Variants in MACO1 observed in about 807,000 individuals in gnomAD.
MACO1 encodes the protein macoilin 1.
In MACO1, 14 loss-of-function variants were observed where a neutral mutation model predicts 78.7. That is an observed-to-expected ratio of 0.18 (90% CI 0.12 to 0.28). MACO1 has a LOEUF of 0.28. MACO1 is among the 10% of genes least tolerant of loss of function. The pLI is 1.00. For missense variants in MACO1, 501 were observed against 799.0 expected (o/e 0.63, Z 4.50); for synonymous variants, 288 against 291.6 (o/e 0.99, Z 0.12).
At chr1:25,469,848 G>A (rs930092917) in intron 6 of MACO1, among the ~76,000 whole-genome samples, 3 of 151,876 alleles carry the variant, frequency 2.0e-5, no homozygotes, top group African/African-American at 7.3e-5. Context: ...GGCTGGTCTC[G>A]AACTCCTGAC....
chr1:25,479,931 A>G (rs1360446817), intron 6 of MACO1, among the ~76,000 whole-genome samples: 1 of 152,234 alleles, frequency 6.6e-6, no homozygotes, highest in African/African-American at 2.4e-5. Context: ...ATTTACATGT[A>G]CGAAGAAATA....
At chr1:25,459,382 A>C (rs1448171894) in intron 6 of MACO1, among the ~76,000 whole-genome samples, 1 of 152,182 alleles carries the variant, frequency 6.6e-6, no homozygotes, top group Non-Finnish European at 1.5e-5. Context: ...TAACTCTGGG[A>C]AAGTTAGATT....
Position 25,458,557 on chromosome 1 carries a change from C to T in MACO1, c.819C>T (p.Asn273=), listed in dbSNP as rs767194561. 77 of 1,613,618 alleles carry T rather than the reference C, an allele frequency of 4.8e-5. No individual in the cohort carries two copies. Among genetic ancestry groups the T allele is most frequent in the Non-Finnish European group, 6.4e-5 (76 of 1,179,892 alleles). The change falls in exon 6 of 11, where the codon AAC becomes AAT. Residue 273 remains asparagine (N), a synonymous_variant. Coordinates refer to ENST00000374343, the MANE Select transcript of MACO1 (RefSeq NM_018202.6). The stretch of plus-strand genomic sequence containing the variant: ...AACACAACCTTGGAATAAATAACAA[C>T]AATATTCTACAACCTGTAGACTCTA... ...AKKHNLGINN[N]NILQPVDSKI...
At chr1:25,446,927 C>T (rs772890401) in intron 2 of MACO1, 24 bp downstream of exon 2, 1 of 1,605,064 alleles carries the variant, frequency 6.2e-7, no homozygotes, top group Non-Finnish European at 8.5e-7. Context: ...TACATGTTTT[C>T]CATGTGTGGG....
At chr1:25,491,348 T>C in intron 9 of MACO1, 62 bp from the exon 10 acceptor site, 1 of 1,595,606 alleles carries the variant, frequency 6.3e-7, no homozygotes, top group Non-Finnish European at 8.6e-7. Context: ...GATTTCAGGC[T>C]AATTTATAGA....
At chr1:25,481,635 C>G (rs2043379741) in intron 6 of MACO1, among the ~76,000 whole-genome samples, 1 of 152,212 alleles carries the variant, frequency 6.6e-6, no homozygotes, top group African/African-American at 2.4e-5. Context: ...ACAGCATTGA[C>G]CTCTTTCGGA....
chr1:25,441,174 A>G (rs1571951239), intron 1 of MACO1, among the ~76,000 whole-genome samples: 2 of 151,834 alleles, frequency 1.3e-5, no homozygotes, highest in South Asian at 2.1e-4. Flanking sequence ...ACTTTTCTAC[A>G]TTACAGATCA....
intron 6 of MACO1, among the ~76,000 whole-genome samples, chr1:25,462,828 G>C (rs1431669630): frequency 6.6e-6 from 1 of 152,130 alleles, no homozygotes; most frequent in Non-Finnish European, 1.5e-5. Flanking sequence ...AGCTCTCTCA[G>C]CTCCAGGGAT....
At chr1:25,489,398 A>C in intron 9 of MACO1, 105 bp downstream of exon 9, 1 of 1,239,494 alleles carries the variant, frequency 8.1e-7, no homozygotes, top group Non-Finnish European at 1.1e-6. Context: ...TATAGATCAA[A>C]TCTCATTGCA....
intron 3 of MACO1, among the ~76,000 whole-genome samples, chr1:25,449,337 G>A (rs953684446): frequency 1.3e-5 from 2 of 152,136 alleles, no homozygotes; most frequent in African/African-American, 4.8e-5. Flanking sequence ...AATCCTCACA[G>A]CATCCCTGAC....
intron 6 of MACO1, among the ~76,000 whole-genome samples, chr1:25,469,917 C>T (rs1426443039): frequency 6.6e-6 from 1 of 152,068 alleles, no homozygotes. Context: ...TGAGCCACCG[C>T]GCCCGGCCAA....
At chr1:25,464,204 A>G (rs78047120) in intron 6 of MACO1, among the ~76,000 whole-genome samples, 1,650 of 152,100 alleles carry the variant, frequency 0.011, 28 homozygotes, top group African/African-American at 0.038. Flanking sequence ...TCTTTTCACT[A>G]TCTCTTTAGT....
At chr1:25,487,688 C>T (rs779038232) in intron 8 of MACO1, among the ~76,000 whole-genome samples, 8 of 152,186 alleles carry the variant, frequency 5.3e-5, no homozygotes, top group South Asian at 4.1e-4. Flanking sequence ...AACTTTATGA[C>T]AAGAAAGACA....
intron 6 of MACO1, among the ~76,000 whole-genome samples, chr1:25,482,069 C>G (rs1309644641): frequency 2.0e-5 from 3 of 152,172 alleles, no homozygotes; most frequent in Non-Finnish European, 2.9e-5. Context: ...AAACATGTCT[C>G]TAAGACTTAG....
chr1:25,494,950 C>T (rs1007059906), intron 10 of MACO1, among the ~76,000 whole-genome samples: 17 of 152,222 alleles, frequency 1.1e-4, no homozygotes, highest in African/African-American at 4.1e-4. Context: ...GTTAGTGAAG[C>T]GCAGGAGTGG....
chr1:25,438,928 A>G (rs927152735), intron 1 of MACO1, among the ~76,000 whole-genome samples: 1 of 152,058 alleles, frequency 6.6e-6, no homozygotes, highest in Non-Finnish European at 1.5e-5. Context: ...AAAACTAAAA[A>G]AAAAAGAAGT....
chr1:25,448,689 G>C (rs931965510), intron 2 of MACO1, 119 bp from the exon 3 acceptor site: 3 of 955,264 alleles, frequency 3.1e-6, no homozygotes, highest in South Asian at 6.6e-5. Flanking sequence ...TTGCTTTACA[G>C]TTACCAAGTT....
At chr1:25,433,004 T>G (rs2042889105) in intron 1 of MACO1, among the ~76,000 whole-genome samples, 1 of 152,220 alleles carries the variant, frequency 6.6e-6, no homozygotes, top group African/African-American at 2.4e-5. Context: ...AAATTTGAAT[T>G]TTCTTACCCT....
intron 1 of MACO1, among the ~76,000 whole-genome samples, chr1:25,441,187 C>A (rs949073855): frequency 3.3e-5 from 5 of 151,996 alleles, no homozygotes; most frequent in Non-Finnish European, 7.4e-5. Context: ...ACAGATCATT[C>A]ATTCAACATT....
Sources: allele counts gnomAD v4.1 joint callset (sites outside exome capture counted in the v4.1 genomes callset), GRCh38; gene constraint gnomAD v4.1.1; transcripts MANE v1.5; gene names NCBI Gene and HGNC (gene_info 2026-07-23, HGNC 2026-07-21).